FHIT: variants seen among roughly 807,000 people sequenced by gnomAD.
FHIT encodes the protein bis(5'-adenosyl)-triphosphatase.
FHIT carries 19 observed loss-of-function variants against 17.9 expected under a neutral mutation model. The ratio of observed to expected loss-of-function variants is 1.06; its 90% CI spans 0.74 to 1.56. The LOEUF is 1.56. Ranked by LOEUF, FHIT falls within the 40% of genes most tolerant of loss-of-function variation. The probability of loss-of-function intolerance (pLI) is 0.00; values close to 1 mark genes in which losing one functional copy is unlikely to be tolerated. For synonymous variants in FHIT, 81 were observed against 69.7 expected (o/e 1.16, Z -0.81); for missense variants, 248 against 189.2 (o/e 1.31, Z -1.82).
intron 5 of FHIT, among the ~76,000 whole-genome samples, chr3:60,486,106 C>G (rs2687174): frequency 6.6e-6 from 1 of 152,096 alleles, no homozygotes; most frequent in Admixed American, 6.6e-5. Flanking sequence ...ACTAACTAAT[C>G]TATGCTGTCC....
intron 7 of FHIT, among the ~76,000 whole-genome samples, chr3:59,977,720 C>G (rs1708477730): frequency 6.6e-6 from 1 of 152,148 alleles, no homozygotes; most frequent in Non-Finnish European, 1.5e-5. Flanking sequence ...AAGAGATTCT[C>G]TCATGCCAGG....
intron 2 of FHIT, among the ~76,000 whole-genome samples, chr3:61,148,327 G>A (rs1295173533): frequency 1.3e-5 from 2 of 152,034 alleles, no homozygotes; most frequent in Non-Finnish European, 2.9e-5. Flanking sequence ...AACAAAGTAT[G>A]CAGTTATTTC....
intron 5 of FHIT, among the ~76,000 whole-genome samples, chr3:60,058,593 C>A (rs533278699): frequency 6.6e-6 from 1 of 152,206 alleles, no homozygotes; most frequent in African/African-American, 2.4e-5. Flanking sequence ...AAAATGTTCC[C>A]TGCTTTTCCC....
chr3:60,335,153 G>GA (rs1311023897), intron 5 of FHIT, among the ~76,000 whole-genome samples: 3 of 152,002 alleles, frequency 2.0e-5, no homozygotes, highest in Non-Finnish European at 4.4e-5. Flanking sequence ...ATTTGTAAAG[G>GA]AAAAAATAAA....
chr3:60,286,925 A>G (rs1277787026), intron 5 of FHIT, among the ~76,000 whole-genome samples: 3 of 152,168 alleles, frequency 2.0e-5, no homozygotes, highest in African/African-American at 7.2e-5. Flanking sequence ...AAGGCCTCAG[A>G]TATTTTTATA....
chr3:60,581,850 C>T lies in FHIT; in HGVS notation c.-17-44871G>A, dbSNP rs909021649. On this transcript the variant is annotated intron_variant, in intron 4 of 9. Transcript: ENST00000492590. ...ATTCTTTTTTCATCATACTCTTTTA[C>T]TACCTAAAAGTTCTTTATTAGCAAG... is the stretch of plus-strand genomic sequence containing the variant. Among the ~76,000 whole-genome samples, 7 of 151,896 alleles carry T rather than the reference C, an allele frequency of 4.6e-5. No individual in the cohort carries two copies. The South Asian group carries it at 1.5e-3, about 32-fold the overall frequency.
chr3:60,117,808 A>C (rs949672457), intron 5 of FHIT, among the ~76,000 whole-genome samples: 1 of 151,900 alleles, frequency 6.6e-6, no homozygotes, highest in Non-Finnish European at 1.5e-5. Context: ...AAAAGGAAAA[A>C]AAAATCCCCT....
In FHIT at chr3:61,149,043, G is replaced by A. The variant is rs535437136; in HGVS notation, c.-164+51574C>T. On this transcript the variant is annotated intron_variant, in intron 2 of 9. Transcript: ENST00000492590. ...GTTAGTTTTAACAATTAAAACTTAC[G>A]TTTAACTGAAAGTATAGTAGAGAAA... is the stretch of plus-strand genomic sequence containing the variant. Among the ~76,000 whole-genome samples the A allele has an allele frequency of 4.6e-5, 7 of 152,272 alleles. No homozygotes were observed. In the East Asian group the frequency reaches 1.3e-3, roughly 29 times the overall value.
chr3:61,053,562 G>A (rs2034106165), intron 2 of FHIT, among the ~76,000 whole-genome samples: 1 of 152,068 alleles, frequency 6.6e-6, no homozygotes, highest in Non-Finnish European at 1.5e-5. Context: ...AGAGGCTGAG[G>A]CAGGAGAATC....
intron 5 of FHIT, among the ~76,000 whole-genome samples, chr3:60,345,675 C>CA (rs1283872994): frequency 4.6e-5 from 7 of 152,160 alleles, no homozygotes; most frequent in Non-Finnish European, 8.8e-5. Context: ...CTTTACCTTC[C>CA]ATTATGGACC....
At chr3:61,213,172 A>C (rs2039546478) in intron 1 of FHIT, among the ~76,000 whole-genome samples, 1 of 152,242 alleles carries the variant, frequency 6.6e-6, no homozygotes, top group Non-Finnish European at 1.5e-5. Flanking sequence ...CTTTAAATGT[A>C]AATGGACTAA....
intron 2 of FHIT, among the ~76,000 whole-genome samples, chr3:61,119,904 G>A (rs150348130): frequency 9.9e-5 from 15 of 152,232 alleles, no homozygotes; most frequent in African/African-American, 3.1e-4. Context: ...AGACTATACC[G>A]CCAGCTTTTC....
intron 5 of FHIT, among the ~76,000 whole-genome samples, chr3:60,246,913 A>C (rs956938419): frequency 2.0e-5 from 3 of 152,142 alleles, no homozygotes; most frequent in Non-Finnish European, 4.4e-5. Flanking sequence ...GAATGACAAT[A>C]TAGGGCTTAT....
chr3:60,229,437 A>G (rs1704382564), intron 5 of FHIT, among the ~76,000 whole-genome samples: 1 of 151,744 alleles, frequency 6.6e-6, no homozygotes, highest in African/African-American at 2.4e-5. Flanking sequence ...AAAAAAAAAA[A>G]GAAAAAGAAA....
At chr3:60,495,543 G>A (rs2034266080) in intron 5 of FHIT, among the ~76,000 whole-genome samples, 1 of 151,850 alleles carries the variant, frequency 6.6e-6, no homozygotes, top group African/African-American at 2.4e-5. Flanking sequence ...AGCCATTATT[G>A]ACATTGGAAC....
At chr3:61,166,297 G>A (rs568108595) in intron 2 of FHIT, among the ~76,000 whole-genome samples, 1 of 152,286 alleles carries the variant, frequency 6.6e-6, no homozygotes, top group East Asian at 1.9e-4. Flanking sequence ...AGTCCTCACA[G>A]TCATCTGAAG....
chr3:60,543,982 T>C (rs1204408268), intron 4 of FHIT, among the ~76,000 whole-genome samples: 4 of 146,170 alleles, frequency 2.7e-5, no homozygotes, highest in South Asian at 4.4e-4. Context: ...ATAGTCTTGA[T>C]CTCCTGACCT....
intron 5 of FHIT, among the ~76,000 whole-genome samples, chr3:60,310,489 G>C (rs1708891671): frequency 6.6e-6 from 1 of 151,986 alleles, no homozygotes; most frequent in South Asian, 2.1e-4. Context: ...CCCACCCTAG[G>C]CCTAGGGGTC....
At chr3:60,318,596 G>T (rs771462925) in intron 5 of FHIT, among the ~76,000 whole-genome samples, 2 of 152,166 alleles carry the variant, frequency 1.3e-5, no homozygotes, top group Non-Finnish European at 2.9e-5. Flanking sequence ...AGACCACAAT[G>T]ACTGACATCC....
Sources: gnomAD v4.1 joint callset for allele counts (sites outside exome capture counted in the v4.1 genomes callset) on GRCh38, gnomAD v4.1.1 for gene constraint, MANE v1.5 for transcripts, NCBI Gene and HGNC (gene_info 2026-07-23, HGNC 2026-07-21) for gene names.